Variants in FAM83B observed in about 807,000 individuals in gnomAD.
FAM83B encodes the protein scaffolding CK1 anchoring protein B, also known as protein FAM83B.
In FAM83B, 26 loss-of-function variants were observed where a neutral mutation model predicts 38.8. That is an observed-to-expected ratio of 0.67 (90% CI 0.49 to 0.93). The LOEUF is 0.93. Ranked by LOEUF, FAM83B falls within the 40% of genes least tolerant of loss-of-function variation. The pLI, the probability that FAM83B is intolerant of heterozygous loss-of-function variation, is 0.00. For synonymous variants in FAM83B, 419 were observed against 423.1 expected, an observed-to-expected ratio of 0.99 and a Z score of 0.12; for missense variants, 1,237 against 1,197.3, an observed-to-expected ratio of 1.03 and a Z score of -0.49.
intron 2 of FAM83B, among the ~76,000 whole-genome samples, chr6:54,921,242 T>A (rs77206958): frequency 0.037 from 5,582 of 152,044 alleles, 150 homozygotes; most frequent in Non-Finnish European, 0.051. Context: ...TGAATTACCA[T>A]TCCCGTGTAT....
chr6:54,873,289 G>T (rs541520420), intron 2 of FAM83B, among the ~76,000 whole-genome samples: 1 of 152,016 alleles, frequency 6.6e-6, no homozygotes, highest in Non-Finnish European at 1.5e-5. Flanking sequence ...TTTATATGTC[G>T]CCATATCTAC....
intron 1 of FAM83B, among the ~76,000 whole-genome samples, chr6:54,850,505 C>A (rs559999113): frequency 6.6e-6 from 1 of 152,112 alleles, no homozygotes. Context: ...CAGATTCCTT[C>A]TTTGATTACA....
chr6:54,927,074 A>C (rs1469237173), intron 3 of FAM83B, among the ~76,000 whole-genome samples: 3 of 152,052 alleles, frequency 2.0e-5, no homozygotes, highest in African/African-American at 7.2e-5. Context: ...ATTAATATTT[A>C]ATACATCAGT....
intron 2 of FAM83B, among the ~76,000 whole-genome samples, chr6:54,901,637 A>G (rs1772663815): frequency 6.6e-6 from 1 of 152,194 alleles, no homozygotes; most frequent in Non-Finnish European, 1.5e-5. Context: ...AAAAGAAACA[A>G]CATAAAGAAA....
At chr6:54,868,541 T>A (rs188284530) in intron 1 of FAM83B, among the ~76,000 whole-genome samples, 2 of 152,336 alleles carry the variant, frequency 1.3e-5, no homozygotes, top group Admixed American at 1.3e-4. Flanking sequence ...TATTTCCCCA[T>A]GCGATAGCTT....
intron 2 of FAM83B, among the ~76,000 whole-genome samples, chr6:54,872,335 G>T (rs1278402849): frequency 6.6e-6 from 1 of 152,116 alleles, no homozygotes; most frequent in Admixed American, 6.6e-5. Context: ...ATTGCATTTT[G>T]TAAGGCAACA....
chr6:54,882,431 A>C (rs1313647009), intron 2 of FAM83B, among the ~76,000 whole-genome samples: 1 of 152,200 alleles, frequency 6.6e-6, no homozygotes, highest in Non-Finnish European at 1.5e-5. Context: ...GAGGAATAAA[A>C]AAATAATTTT....
At chr6:54,890,935 A>G (rs1772387048) in intron 2 of FAM83B, among the ~76,000 whole-genome samples, 1 of 151,264 alleles carries the variant, frequency 6.6e-6, no homozygotes, top group Non-Finnish European at 1.5e-5. Context: ...CATTACTTCT[A>G]ATTTGCTTTC....
At chr6:54,930,234 A>G (rs564995599) in intron 4 of FAM83B, among the ~76,000 whole-genome samples, 3 of 152,278 alleles carry the variant, frequency 2.0e-5, no homozygotes, top group South Asian at 4.1e-4. Context: ...AACAAAGTTA[A>G]TAATGGCCAT....
intron 2 of FAM83B, among the ~76,000 whole-genome samples, chr6:54,901,413 G>A (rs977695895): frequency 6.9e-6 from 1 of 144,398 alleles, no homozygotes; most frequent in Admixed American, 6.7e-5. Flanking sequence ...ATAAAAGCCT[G>A]TTACAAGATA....
At chr6:54,915,928 T>C (rs897450675) in intron 2 of FAM83B, among the ~76,000 whole-genome samples, 4 of 152,172 alleles carry the variant, frequency 2.6e-5, no homozygotes, top group African/African-American at 9.7e-5. Flanking sequence ...ACTATAAAGT[T>C]ATGAATGGTT....
At chr6:54,883,919 C>T (rs1772201998) in intron 2 of FAM83B, among the ~76,000 whole-genome samples, 1 of 151,866 alleles carries the variant, frequency 6.6e-6, no homozygotes, top group Non-Finnish European at 1.5e-5. Context: ...CCTGTAATCC[C>T]AGGACTTTGG....
At chr6:54,875,603 T>C (rs1771971607) in intron 2 of FAM83B, among the ~76,000 whole-genome samples, 1 of 151,922 alleles carries the variant, frequency 6.6e-6, no homozygotes, top group Non-Finnish European at 1.5e-5. Context: ...TGTTTGAGTG[T>C]GTATGTTTGA....
chr6:54,865,965 GTCATAA>G (rs1561906950), intron 1 of FAM83B, among the ~76,000 whole-genome samples: 1 of 45,452 alleles, frequency 2.2e-5, no homozygotes, highest in South Asian at 1.4e-3. Context: ...ATGTAAAATA[GTCATAA>G]TAATAATAAT....
intron 2 of FAM83B, among the ~76,000 whole-genome samples, chr6:54,920,668 A>G (rs1007554396): frequency 6.6e-6 from 1 of 151,962 alleles, no homozygotes; most frequent in Non-Finnish European, 1.5e-5. Flanking sequence ...AATATTTTCT[A>G]TGAAATCTGT....
intron 2 of FAM83B, among the ~76,000 whole-genome samples, chr6:54,900,111 C>G (rs1772627994): frequency 6.6e-6 from 1 of 152,168 alleles, no homozygotes; most frequent in Admixed American, 6.5e-5. Flanking sequence ...ATATCATGTA[C>G]ATGAAGTTTT....
At chr6:54,930,953 T>G (rs1039231398) in intron 4 of FAM83B, among the ~76,000 whole-genome samples, 2 of 152,150 alleles carry the variant, frequency 1.3e-5, no homozygotes, top group African/African-American at 4.8e-5. Context: ...AACGTCCCTC[T>G]TAAGAGTGCT....
chr6:54,882,991 C>T lies in FAM83B; in HGVS notation c.444+12301C>T, dbSNP rs553776235. Among the ~76,000 whole-genome samples the T allele has an allele frequency of 2.5e-4, 38 of 151,976 alleles. No individual in the cohort carries two copies. In the East Asian group the frequency reaches 6.8e-3, roughly 27 times the overall value. On this transcript the variant is annotated intron_variant, in intron 2 of 4. Transcript: ENST00000306858. The stretch of plus-strand genomic sequence containing the variant: ...TGGAGTCTCGCTCTGTCACCCAGGC[C>T]GGAGTGCAGTGGCGCGATCTCAGCT...
chr6:54,900,338 A>G (rs1282422675), intron 2 of FAM83B, among the ~76,000 whole-genome samples: 1 of 152,142 alleles, frequency 6.6e-6, no homozygotes, highest in Non-Finnish European at 1.5e-5. Context: ...GAACTTTTCA[A>G]ACTGCTCATT....
Sources: allele counts gnomAD v4.1 joint callset (sites outside exome capture counted in the v4.1 genomes callset), GRCh38; gene constraint gnomAD v4.1.1; transcripts MANE v1.5; gene names NCBI Gene and HGNC (gene_info 2026-07-23, HGNC 2026-07-21).